The following ZFR2 variants were observed in gnomAD, a reference collection of about 807,000 sequenced individuals.
The protein encoded by ZFR2 is zinc finger RNA binding protein 2.
In ZFR2, 104 loss-of-function variants were observed where a neutral mutation model predicts 105.7. The observed-to-expected ratio is 0.98, with a 90% CI of 0.84 to 1.16. The LOEUF (loss-of-function observed/expected upper bound fraction) is 1.16. ZFR2 is among the 50% of genes most tolerant of loss of function. The pLI is 0.00. For missense variants in ZFR2, 1,425 were observed against 1,355.5 expected, an observed-to-expected ratio of 1.05 and a Z score of -0.80; for synonymous variants, 634 against 597.7, an observed-to-expected ratio of 1.06 and a Z score of -0.89.
Position 3,813,731 on chromosome 19 carries a change from G to A in ZFR2, c.2242+89C>T. Reference sequence around the variant, plus strand: ...GCTGTGGCATTTCCTGCTCAGGGCAGAGGCGGACGCTGCCCCAGGCCTGGG... The same window carrying A: ...GCTGTGGCATTTCCTGCTCAGGGCAAAGGCGGACGCTGCCCCAGGCCTGGG... On this transcript the variant is annotated intron_variant, in intron 14 of 18. Transcript: ENST00000262961. This position sits in a 1 kb window ranked among gnomAD's most constrained non-coding sequence, Gnocchi z 4.4. The A allele has an allele frequency of 6.4e-7, 1 of 1,556,912 alleles. No individual in the cohort carries two copies. The highest frequency in any genetic ancestry group is 8.7e-7 in the Non-Finnish European group (1 of 1,146,132).
chr19:3,831,430 G>C lies in ZFR2; in HGVS notation c.725C>G (p.Ser242Ter). 2 of 1,553,718 alleles carry C rather than the reference G, an allele frequency of 1.3e-6. No individual in the cohort carries two copies. Among genetic ancestry groups the C allele is most frequent in the Non-Finnish European group, 1.7e-6 (2 of 1,150,280 alleles). Residue 242 changes from serine (S) to a stop codon, truncating the protein, a stop_gained, in exon 5 of 19, where the codon TCA becomes TGA. Coordinates refer to ENST00000262961, the MANE Select transcript of ZFR2 (RefSeq NM_015174.2). LOFTEE classifies it high-confidence loss of function. ...CGAGTCGGCCCTGGGGCTGCTTCCTGAGCCTGCAGGCGCGGGCGGCGGGGG... is the reference window on the plus strand; with the variant it reads ...CGAGTCGGCCCTGGGGCTGCTTCCTCAGCCTGCAGGCGCGGGCGGCGGGGG... ...QLPPPPAPAG[S>*]GSSPRADSKP...
intron 18 of ZFR2, 81 bp downstream of exon 18, chr19:3,807,091 G>A (rs996243231): frequency 1.0e-5 from 11 of 1,090,564 alleles, no homozygotes; most frequent in Non-Finnish European, 1.5e-5. Context: ...GGGAAACCCA[G>A]GCCATTTCGG....
intron 18 of ZFR2, among the ~76,000 whole-genome samples, chr19:3,806,645 C>A (rs1274069481): frequency 6.6e-6 from 1 of 151,926 alleles, no homozygotes; most frequent in Non-Finnish European, 1.5e-5. Flanking sequence ...CAAGGACTGT[C>A]CCAGGAGGCC....
At position 3,831,484 on chromosome 19, in the gene ZFR2, G is replaced by A. The variant is rs770154339; in HGVS notation, c.671C>T (p.Pro224Leu). ...CTGCTGCGGGGGTCCCGGGGGAGGCGGGGGCTGCGCTGGAGGATAGAAAGG... is the reference window on the plus strand; with the variant it reads ...CTGCTGCGGGGGTCCCGGGGGAGGCAGGGGCTGCGCTGGAGGATAGAAAGG... ...ASPFYPPAQP[P>L]PPPGPPQQLP... The change falls in exon 5 of 19, where the codon CCG becomes CTG. Residue 224 changes from proline to leucine, a missense_variant. By Grantham distance (98) the Pro-to-Leu change is moderately conservative (BLOSUM62 -3). Transcript: ENST00000262961. The A allele has an allele frequency of 3.2e-5, 50 of 1,548,580 alleles. No homozygotes were observed. The highest frequency in any genetic ancestry group is 1.7e-4 in the Middle Eastern group (1 of 5,828).
At chr19:3,820,931 G>A (rs184249958) in intron 10 of ZFR2, among the ~76,000 whole-genome samples, 9 of 96,936 alleles carry the variant, frequency 9.3e-5, no homozygotes, top group East Asian at 6.6e-4. Flanking sequence ...ACCGGGGGTC[G>A]GGGGACACAG....
intron 16 of ZFR2, 51 bp downstream of exon 16, chr19:3,810,699 G>A: frequency 2.0e-6 from 3 of 1,490,602 alleles, no homozygotes; most frequent in Non-Finnish European, 2.7e-6. Flanking sequence ...CAGGGCCATG[G>A]AGGCCCTTGG....
At chr19:3,847,880 G>C (rs893267120) in intron 1 of ZFR2, among the ~76,000 whole-genome samples, 2 of 152,230 alleles carry the variant, frequency 1.3e-5, no homozygotes, top group Non-Finnish European at 2.9e-5. Flanking sequence ...CCTGGAGCCG[G>C]GACCACCCTC....
rs545752181 is a variant in ZFR2 at position 3,831,336 on chromosome 19, G to A, written c.819C>T (p.Cys273=). The change falls in exon 5 of 19, where the codon TGC becomes TGT. Residue 273 remains cysteine, a synonymous_variant. Coordinates refer to ENST00000262961, the MANE Select transcript of ZFR2 (RefSeq NM_015174.2). Reference sequence around the variant, plus strand: ...CAGCGCAGCTGATCTTGCAGATGTCGCAGTAGTGAAGCTGGAGCTGCCTGG... The same window carrying A: ...CAGCGCAGCTGATCTTGCAGATGTCACAGTAGTGAAGCTGGAGCTGCCTGG... ...AGPRQLQLHY[C]DICKISCAGP... is the part of the protein sequence containing the mutation. 16 of 1,557,046 alleles carry A rather than the reference G, an allele frequency of 1.0e-5. No individual in the cohort carries two copies. Among genetic ancestry groups the A allele is most frequent in the Admixed American group, 7.7e-5 (4 of 52,208 alleles).
In ZFR2 at chr19:3,807,823, T is replaced by G. The variant is rs755062351; in HGVS notation, c.2546-554A>C. 2.0e-5 allele frequency among the ~76,000 whole-genome samples: 3 copies of G among 148,442 alleles called. No homozygotes were observed. The South Asian group carries it at 6.5e-4, about 32-fold the overall frequency. ...GTGCAAGCATGTCCACGTGTGCCTG[T>G]ATGTGCACTCATTCCATGTGTGTGC... On this transcript the variant is annotated intron_variant, in intron 17 of 18. Coordinates refer to ENST00000262961, the MANE Select transcript of ZFR2 (RefSeq NM_015174.2).
chr19:3,818,755 A>G (rs1312403177), intron 12 of ZFR2, among the ~76,000 whole-genome samples: 4 of 152,222 alleles, frequency 2.6e-5, no homozygotes, highest in Non-Finnish European at 5.9e-5. Context: ...AGGTTTACAG[A>G]GACTGTCAGT....
intron 3 of ZFR2, among the ~76,000 whole-genome samples, chr19:3,833,223 T>C (rs1302524559): frequency 6.0e-5 from 8 of 133,340 alleles, no homozygotes; most frequent in Non-Finnish European, 3.1e-5. Context: ...CACTCCAGCC[T>C]GGGCAACAGA....
At chr19:3,863,617 T>C (rs2038397635) in intron 1 of ZFR2, among the ~76,000 whole-genome samples, 1 of 152,084 alleles carries the variant, frequency 6.6e-6, no homozygotes, top group Non-Finnish European at 1.5e-5. Context: ...GTCTAAAGGA[T>C]GTAGCCCTAA....
intron 1 of ZFR2, among the ~76,000 whole-genome samples, chr19:3,849,989 G>T (rs1394722392): frequency 6.6e-6 from 1 of 152,162 alleles, no homozygotes; most frequent in Non-Finnish European, 1.5e-5. Context: ...GAGGACCTGT[G>T]AGGGATACAG....
intron 1 of ZFR2, among the ~76,000 whole-genome samples, chr19:3,836,348 A>G (rs1322243768): frequency 6.6e-6 from 1 of 152,150 alleles, no homozygotes; most frequent in Admixed American, 6.6e-5. Context: ...TTTTTGAGAA[A>G]GGGTCTCGCT....
At chr19:3,809,378 C>T (rs1444836891) in intron 16 of ZFR2, among the ~76,000 whole-genome samples, 2 of 152,184 alleles carry the variant, frequency 1.3e-5, no homozygotes, top group Non-Finnish European at 2.9e-5. Flanking sequence ...GTGTCAGGTG[C>T]ACTGTCCACC....
At chr19:3,810,686 T>G in intron 16 of ZFR2, 64 bp downstream of exon 16, 1 of 1,437,312 alleles carries the variant, frequency 7.0e-7, no homozygotes, top group Non-Finnish European at 9.4e-7. Flanking sequence ...AGCCTGGGCC[T>G]GTCAGGGCCA....
intron 1 of ZFR2, among the ~76,000 whole-genome samples, chr19:3,836,763 A>G (rs2038079099): frequency 6.6e-6 from 1 of 152,164 alleles, no homozygotes; most frequent in African/African-American, 2.4e-5. Flanking sequence ...CCAGGGGCTC[A>G]TGTCAAGTGC....
chr19:3,827,218 G>C (rs2037960161), intron 6 of ZFR2, among the ~76,000 whole-genome samples: 1 of 152,150 alleles, frequency 6.6e-6, no homozygotes, highest in African/African-American at 2.4e-5. Context: ...TCCCAGCCTG[G>C]GGAACAGGAC....
chr19:3,856,753 C>G (rs1004093842), intron 1 of ZFR2, among the ~76,000 whole-genome samples: 5 of 152,176 alleles, frequency 3.3e-5, no homozygotes, highest in African/African-American at 1.2e-4. Context: ...TTTTTGGAGA[C>G]GGAGTCTTGC....
Sources: gnomAD v4.1 joint callset for allele counts (sites outside exome capture counted in the v4.1 genomes callset) on GRCh38, gnomAD v4.1.1 for gene constraint, Gnocchi (gnomAD v3.1) non-coding constraint, MANE v1.5 for transcripts, NCBI Gene and HGNC (gene_info 2026-07-23, HGNC 2026-07-21) for gene names.